CD6: variants seen among roughly 807,000 people sequenced by gnomAD.
The protein encoded by CD6 is CD6 molecule.
CD6 carries 53 observed loss-of-function variants against 75.3 expected under a neutral mutation model. The ratio of observed to expected loss-of-function variants is 0.70; its 90% CI spans 0.56 to 0.88. The LOEUF (loss-of-function observed/expected upper bound fraction) is 0.88. Ranked by LOEUF, CD6 falls within the 40% of genes least tolerant of loss-of-function variation. The pLI, the probability that CD6 is intolerant of heterozygous loss-of-function variation, is 0.00. For missense variants in CD6, 770 were observed against 897.1 expected, an observed-to-expected ratio of 0.86 and a Z score of 1.81; for synonymous variants, 359 against 381.5, an observed-to-expected ratio of 0.94 and a Z score of 0.69.
intron 12 of CD6, 171 bp from the exon 13 acceptor site, chr11:61,019,083 C>T: frequency 1.7e-6 from 1 of 581,398 alleles, no homozygotes; most frequent in Non-Finnish European, 3.1e-6. Flanking sequence ...GAGGCTATTC[C>T]CTCAGTGCTG....
At chr11:60,993,140 C>G (rs17824933) in intron 1 of CD6, among the ~76,000 whole-genome samples, 23,746 of 152,192 alleles carry the variant, frequency 0.16, 2,600 homozygotes, top group Middle Eastern at 0.3. Flanking sequence ...CCCCAGGAGA[C>G]TTTTCTTTTA....
chr11:61,014,079 A>T, intron 8 of CD6, 65 bp downstream of exon 8: 1 of 1,219,714 alleles, frequency 8.2e-7, no homozygotes, highest in South Asian at 1.3e-5. Flanking sequence ...GCTTTCTGGA[A>T]GGTCAGCACC....
At chr11:61,010,505 G>A (rs1453640223) in intron 5 of CD6, among the ~76,000 whole-genome samples, 2 of 152,180 alleles carry the variant, frequency 1.3e-5, no homozygotes, top group Admixed American at 6.5e-5. Context: ...AAGAAACATG[G>A]TATTTGCATT....
At chr11:60,989,254 A>G (rs976999358) in intron 1 of CD6, 1 of 152,238 alleles carries the variant, frequency 6.6e-6, no homozygotes, top group African/African-American at 2.4e-5. Context: ...GGGTTTCATA[A>G]TAGTGTCTCC....
At chr11:61,008,362 C>T (rs948657832) in intron 3 of CD6, 172 bp from the exon 4 acceptor site, 2 of 642,042 alleles carry the variant, frequency 3.1e-6, no homozygotes, top group African/African-American at 3.7e-5. Context: ...CAGCCTGCGG[C>T]TCTACCTAAC....
In CD6 at chr11:60,971,805, C is replaced by G; in HGVS notation, c.-61C>G. Reference sequence around the variant, plus strand: ...GCGCACAACGGCCGTGTCCACCTCCCGGCCCCAAGATGGTGCTTCCCACAG... The same window carrying G: ...GCGCACAACGGCCGTGTCCACCTCCGGGCCCCAAGATGGTGCTTCCCACAG... On this transcript the variant is annotated 5_prime_UTR_variant, in exon 1 of 13. Coordinates refer to ENST00000313421, the MANE Select transcript of CD6 (RefSeq NM_006725.5). 1 of 1,568,730 alleles carries G rather than the reference C, an allele frequency of 6.4e-7. No individual in the cohort carries two copies. The highest frequency in any genetic ancestry group is 8.7e-7 in the Non-Finnish European group (1 of 1,145,152).
At chr11:61,002,514 G>A (rs533776965) in intron 1 of CD6, among the ~76,000 whole-genome samples, 2 of 152,116 alleles carry the variant, frequency 1.3e-5, no homozygotes, top group South Asian at 4.2e-4. Context: ...CCGAGATCAC[G>A]CCACTGCACT....
At chr11:61,017,458 C>T in intron 9 of CD6, 21 bp from the exon 10 acceptor site, 1 of 1,542,900 alleles carries the variant, frequency 6.5e-7, no homozygotes, top group Non-Finnish European at 8.8e-7. Flanking sequence ...CACCCCTCCC[C>T]ACCACCGCCT....
chr11:61,008,667 A>G lies in CD6; in HGVS notation c.603A>G (p.Gln201=). The change falls in exon 4 of 13, where the codon CAA becomes CAG. Residue 201 remains glutamine (Q), a synonymous_variant. Transcript: ENST00000313421. The stretch of plus-strand genomic sequence containing the variant: ...AGGACGCCCACGTGGTGTGCAGGCA[A>G]CTGGGCTGCGGCTGGGCAGTCCAGG... ...DLEDAHVVCR[Q]LGCGWAVQAL... The G allele has an allele frequency of 6.2e-7, 1 of 1,608,298 alleles. No homozygotes were observed. Among genetic ancestry groups the G allele is most frequent in the Non-Finnish European group, 8.5e-7 (1 of 1,177,814 alleles).
At position 61,008,861 on chromosome 11, in the gene CD6, C is replaced by T. The variant is rs72926536; in HGVS notation, c.781+16C>T. 0.16 allele frequency: 246,180 copies of T among 1,515,188 alleles called. 22,412 individuals are homozygous for T. The highest frequency in any genetic ancestry group is 0.19 in the Non-Finnish European group (212,892 of 1,129,936). The allele number at this position is 1,515,188 out of a possible 1,614,324, so 93.9% of individuals were successfully genotyped here. ...GTGTGCTCAGGTCAGTGGGCGGAGTCACTGAAGCCCGGTCACTACCAACAC... is the reference window on the plus strand; with the variant it reads ...GTGTGCTCAGGTCAGTGGGCGGAGTTACTGAAGCCCGGTCACTACCAACAC... On this transcript the variant is annotated intron_variant, in intron 4 of 12. Coordinates refer to ENST00000313421, the MANE Select transcript of CD6 (RefSeq NM_006725.5).
chr11:60,995,284 A>G (rs4939481), intron 1 of CD6, among the ~76,000 whole-genome samples: 27,365 of 151,890 alleles, frequency 0.18, 3,269 homozygotes, highest in African/African-American at 0.34. Context: ...AGCTGGGACT[A>G]CAGGCATGCA....
chr11:61,008,428 A>C, intron 3 of CD6, 106 bp from the exon 4 acceptor site: 1 of 1,115,994 alleles, frequency 9.0e-7, no homozygotes, highest in Non-Finnish European at 1.3e-6. Context: ...CAGCCCTCTC[A>C]CTGGGTCCAC....
rs924114067 is a variant in CD6 at position 61,007,632 on chromosome 11, C to G, written c.191C>G (p.Ala64Gly). The stretch of plus-strand genomic sequence containing the variant: ...GGGACGGTGGAGGTGCGGCTCGAGG[C>G]GTCCTGGGAGCCCGCGTGCGGGGCG... The part of the protein sequence containing the change: ...CSGTVEVRLE[A>G]SWEPACGALW... Residue 64 changes from alanine to glycine, a missense_variant, in exon 3 of 13, where the codon GCG (alanine) becomes GGG (glycine). By Grantham distance (60) the Ala-to-Gly change is moderately conservative (BLOSUM62 0). Coordinates refer to ENST00000313421, the MANE Select transcript of CD6 (RefSeq NM_006725.5). The surrounding 1 kb of genome is among the most constrained non-coding windows in gnomAD (Gnocchi z 4.2). The G allele has an allele frequency of 2.0e-6, 3 of 1,480,982 alleles. No homozygotes were observed. In the African/African-American group the frequency reaches 4.4e-5, roughly 22 times the overall value. The allele number at this position is 1,480,982 out of a possible 1,614,324, so 91.7% of individuals were successfully genotyped here.
intron 1 of CD6, chr11:60,982,544 C>G (rs879450787): frequency 3.5e-5 from 16 of 455,296 alleles, no homozygotes; most frequent in Non-Finnish European, 4.4e-5. Flanking sequence ...AGGAAGCCCC[C>G]CAGGCCTGGA....
At chr11:60,984,371 C>G (rs565734264) in intron 1 of CD6, among the ~76,000 whole-genome samples, 30 of 152,226 alleles carry the variant, frequency 2.0e-4, no homozygotes, top group Admixed American at 5.2e-4. Flanking sequence ...CAGGCTGGTA[C>G]TAATGAGGCC....
rs1016604724 is a variant in CD6 at position 61,007,537 on chromosome 11, G to A, written c.119-23G>A. Reference sequence around the variant, plus strand: ...CTCTGCCCAGGCCCCACCGGTCTCAGCTCTCTGGTCTGACACTTCCAGGGG... The same window carrying A: ...CTCTGCCCAGGCCCCACCGGTCTCAACTCTCTGGTCTGACACTTCCAGGGG... On this transcript the variant is annotated intron_variant, in intron 2 of 12. Transcript: ENST00000313421. This position sits in a 1 kb window ranked among gnomAD's most constrained non-coding sequence, Gnocchi z 4.2. 13 of 1,444,826 alleles carry A rather than the reference G, an allele frequency of 9.0e-6. No homozygotes were observed. Among genetic ancestry groups the A allele is most frequent in the Non-Finnish European group, 1.2e-5 (13 of 1,097,466 alleles). The allele number at this position is 1,444,826 out of a possible 1,614,324, so 89.5% of individuals were successfully genotyped here.
chr11:61,020,275 CAAACGTCTCCGTGCAGCCCCCAG>C lies in CD6; in HGVS notation c.*959_*981del. ...CTATGTGGTGTTGCACCCGGGGCTG[CAAACGTCTCCGTGCAGCCCCCAG>C]AGAGAGGCCCATGGGCTCAGACCAG... On this transcript the variant is annotated 3_prime_UTR_variant, in exon 13 of 13. Transcript: ENST00000313421. 2.5e-6 allele frequency: 1 copy of C among 399,012 alleles called. No individual in the cohort carries two copies. The allele number at this position is 399,012 out of a possible 1,614,324, so 24.7% of individuals were successfully genotyped here.
At chr11:60,981,480 T>C (rs527643735) in intron 1 of CD6, among the ~76,000 whole-genome samples, 1 of 152,294 alleles carries the variant, frequency 6.6e-6, no homozygotes, top group Admixed American at 6.5e-5. Flanking sequence ...CATGGAACTT[T>C]ATGGAGCCTG....
Position 61,017,499 on chromosome 11 carries a change from A to T in CD6, c.1531A>T (p.Thr511Ser), listed in dbSNP as rs1458735232. 3.2e-6 allele frequency: 5 copies of T among 1,549,930 alleles called. No homozygotes were observed. The South Asian group carries it at 4.8e-5, about 15-fold the overall frequency. ...TFYNSQRHRV[T>S]DEEVQQSRFQ... ...TGCAGATTCCCAGCGGCATCGGGTC[A>T]CAGATGAGGAGGTCCAGCAAAGCAG... Residue 511 changes from threonine to serine, a missense_variant, in exon 10 of 13, where the codon ACA becomes TCA. By Grantham distance (58) the Thr-to-Ser change is moderately conservative. Coordinates refer to ENST00000313421, the MANE Select transcript of CD6 (RefSeq NM_006725.5).
Sources: gnomAD v4.1 joint callset for allele counts (sites outside exome capture counted in the v4.1 genomes callset) on GRCh38, gnomAD v4.1.1 for gene constraint, Gnocchi (gnomAD v3.1) non-coding constraint, MANE v1.5 for transcripts, NCBI Gene and HGNC (gene_info 2026-07-23, HGNC 2026-07-21) for gene names.